The following MYH10 variants were observed in gnomAD, a reference collection of about 807,000 sequenced individuals.
MYH10 encodes myosin-10.
MYH10 carries 55 observed loss-of-function variants against 257.8 expected under a neutral mutation model. The observed-to-expected ratio is 0.21, with a 90% confidence interval of 0.17 to 0.27. MYH10 has a LOEUF of 0.27. Ranked by LOEUF, MYH10 falls within the 10% of genes least tolerant of loss-of-function variation. MYH10 has a pLI of 1.00. For missense variants in MYH10, 1,631 were observed against 2,500.6 expected (o/e 0.65, Z 7.42); for synonymous variants, 854 against 921.7 (o/e 0.93, Z 1.33).
At chr17:8,560,477 C>T (rs1597830029) in intron 7 of MYH10, 3 of 484,314 alleles carry the variant, frequency 6.2e-6, no homozygotes, top group South Asian at 1.7e-5. Flanking sequence ...CCATGGTCAA[C>T]GCCACTGTGT....
Position 8,489,710 on chromosome 17 carries a change from C to CACACACACACACAT in MYH10, c.4884+629_4884+630insATGTGTGTGTGTGT, listed in dbSNP as rs1280721361. On this transcript the variant is annotated intron_variant, in intron 35 of 42. Coordinates refer to ENST00000360416, the MANE Select transcript of MYH10 (RefSeq NM_001256012.3). ...CAGAGCGAGACTCCGTCTGAAAAAA[C>CACACACACACACAT]ACACACACACACACACACACACACA... 4.2e-4 allele frequency among the ~76,000 whole-genome samples: 15 copies of CACACACACACACAT among 36,088 alleles called. No homozygotes were observed. In the South Asian group the frequency reaches 7.4e-3, roughly 18 times the overall value. 23.7% of individuals were successfully genotyped at this position (36,088 alleles called of 152,430 possible). A position where few individuals can be genotyped will look rare whatever the true frequency, so the allele number is the denominator to read the frequency against.
At chr17:8,532,480 A>G (rs2082031922) in intron 16 of MYH10, among the ~76,000 whole-genome samples, 1 of 152,218 alleles carries the variant, frequency 6.6e-6, no homozygotes, top group Non-Finnish European at 1.5e-5. Context: ...AAGTGCAGGT[A>G]AGGAGTCTCC....
chr17:8,591,169 G>C (rs1413986872), intron 3 of MYH10, among the ~76,000 whole-genome samples: 2 of 152,098 alleles, frequency 1.3e-5, no homozygotes, highest in African/African-American at 4.8e-5. Context: ...ACCGTACCTG[G>C]CCAATGTTGC....
chr17:8,587,451 ATTAAATACCAAG>A (rs1345817119), intron 4 of MYH10, among the ~76,000 whole-genome samples: 1 of 152,118 alleles, frequency 6.6e-6, no homozygotes, highest in East Asian at 1.9e-4. Context: ...CCCCTTTCTT[ATTAAATACCAAG>A]TCTTCTACTT....
chr17:8,502,287 T>C (rs912591136), intron 28 of MYH10, among the ~76,000 whole-genome samples: 4 of 152,190 alleles, frequency 2.6e-5, no homozygotes, highest in African/African-American at 9.7e-5. Flanking sequence ...TGGTCGCATG[T>C]AGCCCAGCCA....
intron 16 of MYH10, among the ~76,000 whole-genome samples, chr17:8,533,880 C>G (rs1378395755): frequency 6.6e-6 from 1 of 152,172 alleles, no homozygotes; most frequent in African/African-American, 2.4e-5. Flanking sequence ...TACACAGTCT[C>G]CAACACTGTC....
At chr17:8,523,955 G>C (rs1268839815) in intron 17 of MYH10, among the ~76,000 whole-genome samples, 1 of 152,166 alleles carries the variant, frequency 6.6e-6, no homozygotes, top group South Asian at 2.1e-4. Context: ...AGTAAGTCTG[G>C]GATGCCTGGG....
intron 9 of MYH10, among the ~76,000 whole-genome samples, chr17:8,550,794 TAAG>T (rs895004450): frequency 2.6e-5 from 4 of 152,034 alleles, no homozygotes; most frequent in African/African-American, 7.2e-5. Context: ...TGTTCTGTAC[TAAG>T]AAAACTTCTT....
At chr17:8,619,286 AT>A (rs1427344310) in intron 2 of MYH10, among the ~76,000 whole-genome samples, 2 of 152,240 alleles carry the variant, frequency 1.3e-5, no homozygotes, top group Non-Finnish European at 2.9e-5. Flanking sequence ...GCAGTGAAGA[AT>A]AAAATGGTGC....
chr17:8,594,129 A>G (rs1488543588), intron 3 of MYH10, among the ~76,000 whole-genome samples: 1 of 152,252 alleles, frequency 6.6e-6, no homozygotes, highest in African/African-American at 2.4e-5. Context: ...CTCGCAACCC[A>G]TACTTTGCAC....
chr17:8,476,777 G>A, intron 42 of MYH10, 99 bp downstream of exon 42: 4 of 1,280,250 alleles, frequency 3.1e-6, no homozygotes, highest in Non-Finnish European at 4.3e-6. Context: ...GGGTCACTGG[G>A]TATGGATCTA....
At position 8,537,707 on chromosome 17, in the gene MYH10, C is replaced by T. The variant is rs189282211; in HGVS notation, c.1606-1776G>A. On this transcript the variant is annotated intron_variant, in intron 14 of 42. Coordinates refer to ENST00000360416, the MANE Select transcript of MYH10 (RefSeq NM_001256012.3). ...TTAACCACTTTTAATGAGAATTTTC[C>T]TAAATTCTGACACAGTATCTCAAAT... Among the ~76,000 whole-genome samples the T allele has an allele frequency of 4.5e-4, 69 of 152,302 alleles. 2 individuals are homozygous for T. The highest frequency in any genetic ancestry group is 4.5e-3 in the Admixed American group (69 of 15,304).
At chr17:8,561,309 C>G (rs2082985635) in intron 7 of MYH10, 1 of 1,098,168 alleles carries the variant, frequency 9.1e-7, no homozygotes, top group Admixed American at 1.7e-5. Context: ...ACTAACTGTG[C>G]CCGATGCATG....
rs776360048 is a variant in MYH10, at chr17:8,476,956, T to C, written c.5799A>G (p.Lys1933=). The C allele has an allele frequency of 4.3e-6, 7 of 1,613,852 alleles. No individual in the cohort carries two copies. In the African/African-American group the frequency reaches 8.0e-5, roughly 18 times the overall value. Residue 1933 remains lysine, a synonymous_variant, in exon 42 of 43, where the codon AAA becomes AAG. Coordinates refer to ENST00000360416, the MANE Select transcript of MYH10 (RefSeq NM_001256012.3). ...EATRANASRR[K]LQRELDDATE... The stretch of plus-strand genomic sequence containing the variant: ...TGGCATCATCCAGTTCCCGCTGGAG[T>C]TTACGCCGAGATGCGTTGGCACGCG...
At chr17:8,609,902 TAA>T in intron 2 of MYH10, among the ~76,000 whole-genome samples, 1 of 142,990 alleles carries the variant, frequency 7.0e-6, no homozygotes, top group South Asian at 2.2e-4. Flanking sequence ...AAACACTCTG[TAA>T]AAAAAAAAAA....
At chr17:8,481,780 C>G (rs1913861681) in intron 37 of MYH10, among the ~76,000 whole-genome samples, 1 of 152,242 alleles carries the variant, frequency 6.6e-6, no homozygotes, top group African/African-American at 2.4e-5. Flanking sequence ...GCTATACCAA[C>G]TGATGGCCCT....
chr17:8,621,548 C>T (rs576994722), intron 2 of MYH10, among the ~76,000 whole-genome samples: 132 of 152,316 alleles, frequency 8.7e-4, no homozygotes, highest in Non-Finnish European at 1.1e-3. Context: ...TATTCAATCT[C>T]AGCTGGACTC....
chr17:8,579,620 A>G (rs1468748557), intron 4 of MYH10, among the ~76,000 whole-genome samples: 5 of 152,204 alleles, frequency 3.3e-5, no homozygotes, highest in African/African-American at 1.2e-4. Context: ...TTATCGTAAC[A>G]TTAGTTCCCT....
chr17:8,508,847 G>C (rs1044554666), intron 25 of MYH10, among the ~76,000 whole-genome samples, 170 bp from the exon 26 acceptor site: 1 of 152,236 alleles, frequency 6.6e-6, no homozygotes, highest in South Asian at 2.1e-4. Context: ...TTTGGACAAT[G>C]ATGAACCGGA....
Sources: allele counts gnomAD v4.1 joint callset (sites outside exome capture counted in the v4.1 genomes callset), GRCh38; gene constraint gnomAD v4.1.1; transcripts MANE v1.5; gene names NCBI Gene and HGNC (gene_info 2026-07-23, HGNC 2026-07-21).